The following GSK3B variants were observed in gnomAD, a reference collection of about 807,000 sequenced individuals.
GSK3B encodes the protein glycogen synthase kinase 3 beta.
GSK3B carries 15 observed loss-of-function variants against 56.4 expected under a neutral mutation model. The observed-to-expected ratio is 0.27, with a 90% CI of 0.18 to 0.41. The LOEUF (loss-of-function observed/expected upper bound fraction) is 0.41, where lower values mean the gene tolerates loss of function less well. Among genes scored for constraint, GSK3B ranks in the 10% least tolerant of loss-of-function variants. The pLI is 1.00. For synonymous variants in GSK3B, 181 were observed against 188.9 expected (o/e 0.96, Z 0.34); for missense variants, 300 against 513.4 (o/e 0.58, Z 4.02).
chr3:119,941,891 T>C lies in GSK3B; in HGVS notation c.366+5377A>G, dbSNP rs561423467. ...GAATGCAAACTCAAATATTTCTAGCTACAAAGCCAGTGCTCTTTACTTTTC... is the reference window on the plus strand; with the variant it reads ...GAATGCAAACTCAAATATTTCTAGCCACAAAGCCAGTGCTCTTTACTTTTC... On this transcript the variant is annotated intron_variant, in intron 3 of 10. Coordinates refer to ENST00000264235, the MANE Select transcript of GSK3B (RefSeq NM_001146156.2). Among the ~76,000 whole-genome samples, 9 of 152,318 alleles carry C rather than the reference T, an allele frequency of 5.9e-5. 1 individual carries two copies. The South Asian group carries it at 6.2e-4, about 11-fold the overall frequency.
chr3:120,008,522 AG>A (rs1375162249), intron 1 of GSK3B, among the ~76,000 whole-genome samples: 1 of 152,084 alleles, frequency 6.6e-6, no homozygotes, highest in African/African-American at 2.4e-5. Flanking sequence ...TATAGACCAA[AG>A]GGATAGAACA....
rs1361716300 is a variant in GSK3B, at chr3:120,073,421, A to C, written c.88+19926T>G. Among the ~76,000 whole-genome samples, 5 of 152,212 alleles carry C rather than the reference A, an allele frequency of 3.3e-5. No homozygotes were observed. The South Asian group carries it at 6.2e-4, about 19-fold the overall frequency. On this transcript the variant is annotated intron_variant, in intron 1 of 10. Coordinates refer to ENST00000264235, the MANE Select transcript of GSK3B (RefSeq NM_001146156.2). ...AAGAAAAGGATAGGAGCTCAGGCTCAAAACTGATTTTGCAATATGGATTTC... is the reference window on the plus strand; with the variant it reads ...AAGAAAAGGATAGGAGCTCAGGCTCCAAACTGATTTTGCAATATGGATTTC...
intron 8 of GSK3B, among the ~76,000 whole-genome samples, chr3:119,864,529 A>G (rs1211460906): frequency 6.6e-6 from 1 of 152,250 alleles, no homozygotes; most frequent in South Asian, 2.1e-4. Context: ...ATATCCCTCG[A>G]CAGGAAGAAC....
chr3:119,967,352 C>T (rs1447065140), intron 2 of GSK3B, among the ~76,000 whole-genome samples: 4 of 151,934 alleles, frequency 2.6e-5, no homozygotes, highest in Non-Finnish European at 2.9e-5. Flanking sequence ...CTGGGATTAC[C>T]GGCGTGAGCC....
rs151068234 is a variant in GSK3B, at chr3:119,908,122, T to C, written c.716-2270A>G. On this transcript the variant is annotated intron_variant, in intron 6 of 10. Coordinates refer to ENST00000264235, the MANE Select transcript of GSK3B (RefSeq NM_001146156.2). ...TTTTGGGAGGGTCTGTTTAAAAACA[T>C]TACAGTCTTAAGAGGCAAGTATCCT... Among the ~76,000 whole-genome samples, 16 of 152,294 alleles carry C rather than the reference T, an allele frequency of 1.1e-4. No individual in the cohort carries two copies. The South Asian group carries it at 2.9e-3, about 28-fold the overall frequency.
intron 2 of GSK3B, among the ~76,000 whole-genome samples, chr3:119,954,730 G>A (rs2057195007): frequency 1.3e-5 from 2 of 152,092 alleles, no homozygotes; most frequent in South Asian, 4.1e-4. Context: ...CACCTCTAGA[G>A]TAGACATGGA....
At chr3:120,048,029 A>T (rs777245376) in intron 1 of GSK3B, among the ~76,000 whole-genome samples, 1 of 152,244 alleles carries the variant, frequency 6.6e-6, no homozygotes, top group African/African-American at 2.4e-5. Flanking sequence ...TTGTTAATAC[A>T]CTTCCAAATA....
chr3:120,009,789 A>G (rs1277554834), intron 1 of GSK3B, among the ~76,000 whole-genome samples: 1 of 152,058 alleles, frequency 6.6e-6, no homozygotes, highest in Non-Finnish European at 1.5e-5. Context: ...GTATACCTAT[A>G]TAACAAAACT....
At chr3:120,021,828 T>C (rs2057880688) in intron 1 of GSK3B, among the ~76,000 whole-genome samples, 1 of 152,156 alleles carries the variant, frequency 6.6e-6, no homozygotes, top group African/African-American at 2.4e-5. Context: ...ACAAAGGATT[T>C]AGGATATAAT....
chr3:119,901,785 C>T (rs2056627236), intron 7 of GSK3B, among the ~76,000 whole-genome samples: 1 of 152,048 alleles, frequency 6.6e-6, no homozygotes, highest in Non-Finnish European at 1.5e-5. Context: ...AAAGTCCCTG[C>T]TCAGAAAGTT....
intron 1 of GSK3B, chr3:120,029,284 A>G: frequency 1.3e-6 from 1 of 741,328 alleles, no homozygotes; most frequent in South Asian, 1.4e-5. Context: ...TTCTGTTTAT[A>G]GAGAGTACCT....
At chr3:120,068,059 T>C (rs2107560484) in intron 1 of GSK3B, among the ~76,000 whole-genome samples, 1 of 152,318 alleles carries the variant, frequency 6.6e-6, no homozygotes. Context: ...AAACAAATAG[T>C]ATTTTCCAAA....
intron 3 of GSK3B, among the ~76,000 whole-genome samples, chr3:119,938,754 A>AT (rs1370656354): frequency 1.7e-4 from 26 of 152,222 alleles, no homozygotes; most frequent in African/African-American, 6.0e-4. Flanking sequence ...CAATCTATAG[A>AT]AATAGTTATT....
chr3:120,071,723 A>G (rs1035872670), intron 1 of GSK3B, among the ~76,000 whole-genome samples: 3 of 152,196 alleles, frequency 2.0e-5, no homozygotes, highest in East Asian at 1.9e-4. Flanking sequence ...ATTATACATT[A>G]CAATGTAATA....
At chr3:119,915,270 G>A (rs1221143127) in intron 5 of GSK3B, among the ~76,000 whole-genome samples, 1 of 151,998 alleles carries the variant, frequency 6.6e-6, no homozygotes, top group African/African-American at 2.4e-5. Context: ...ACACTGCATT[G>A]TTTTTTATCT....
intron 1 of GSK3B, among the ~76,000 whole-genome samples, chr3:120,063,724 T>C (rs1235053051): frequency 1.7e-5 from 2 of 116,004 alleles, no homozygotes; most frequent in Non-Finnish European, 3.3e-5. Flanking sequence ...CGAGACTCTG[T>C]CTCAAAAAAA....
At chr3:119,891,923 T>C (rs963521842) in intron 7 of GSK3B, among the ~76,000 whole-genome samples, 11 of 152,166 alleles carry the variant, frequency 7.2e-5, no homozygotes, top group Non-Finnish European at 7.4e-5. Flanking sequence ...TACTATTAAA[T>C]CAATCAATTT....
Position 119,857,132 on chromosome 3 carries a change from G to C in GSK3B, c.1096+6287C>G, listed in dbSNP as rs541256240. Reference sequence around the variant, plus strand: ...GCCTTCTGCGAGTCATCTTTTGTGGGTGGAGGGTCTTATACCTTTATGTCG... The same window carrying C: ...GCCTTCTGCGAGTCATCTTTTGTGGCTGGAGGGTCTTATACCTTTATGTCG... On this transcript the variant is annotated intron_variant, in intron 9 of 10. Coordinates refer to ENST00000264235, the MANE Select transcript of GSK3B (RefSeq NM_001146156.2). 5.3e-5 allele frequency among the ~76,000 whole-genome samples: 8 copies of C among 152,300 alleles called. No individual in the cohort carries two copies. In the South Asian group the frequency reaches 1.7e-3, roughly 32 times the overall value.
At chr3:119,969,564 C>T (rs1368472982) in intron 2 of GSK3B, among the ~76,000 whole-genome samples, 1 of 151,964 alleles carries the variant, frequency 6.6e-6, no homozygotes, top group African/African-American at 2.4e-5. Context: ...AACAGTCAGC[C>T]GAATGACAGT....
Sources: gnomAD v4.1 joint callset for allele counts (sites outside exome capture counted in the v4.1 genomes callset) on GRCh38, gnomAD v4.1.1 for gene constraint, MANE v1.5 for transcripts, NCBI Gene and HGNC (gene_info 2026-07-23, HGNC 2026-07-21) for gene names.